ZNF880: variants seen among roughly 807,000 people sequenced by gnomAD.
ZNF880 encodes zinc finger protein LOC400713.
A neutral mutation model predicts 11.8 loss-of-function variants in ZNF880; 12 were observed. The observed-to-expected ratio is 1.02, with a 90% confidence interval of 0.65 to 1.65. ZNF880 has a LOEUF of 1.65. ZNF880 is among the 40% of genes most tolerant of loss of function. The pLI, the probability that ZNF880 is intolerant of heterozygous loss-of-function variation, is 0.00. For synonymous variants in ZNF880, 210 were observed against 232.4 expected, an observed-to-expected ratio of 0.90 and a Z score of 0.88; for missense variants, 601 against 673.9, an observed-to-expected ratio of 0.89 and a Z score of 1.20.
chr19:52,397,472 T>C, the ZNF880 span: 1 of 152,130 alleles, frequency 6.6e-6, no homozygotes. Flanking sequence ...TTTTCTTTCT[T>C]GTCCATTTAT....
intron 3 of ZNF880, chr19:52,379,922 AG>A (rs1986662342): frequency 6.6e-6 from 1 of 152,036 alleles, no homozygotes; most frequent in Non-Finnish European, 1.5e-5. Context: ...TTTTCGAGAC[AG>A]GGTTTCACTC....
intron 3 of ZNF880, among the ~76,000 whole-genome samples, chr19:52,380,980 A>G (rs1986691348): frequency 1.3e-5 from 2 of 152,126 alleles, no homozygotes; most frequent in Non-Finnish European, 2.9e-5. Context: ...TCCCAACCAG[A>G]ATCGTCTTTT....
rs376271396 is a variant in ZNF880, at chr19:52,370,806, A to G, written c.12+829A>G. Reference sequence around the variant, plus strand: ...CACATTTGCAAAAACAACGACAGCCAGGCACAGTGGTGCACGCTTGTCATT... The same window carrying G: ...CACATTTGCAAAAACAACGACAGCCGGGCACAGTGGTGCACGCTTGTCATT... On this transcript the variant is annotated intron_variant, in intron 1 of 3. Transcript: ENST00000422689. Among the ~76,000 whole-genome samples, 365 of 152,362 alleles carry G rather than the reference A, an allele frequency of 2.4e-3. 1 individual carries two copies. Among genetic ancestry groups the G allele is most frequent in the South Asian group, 0.012 (56 of 4,826 alleles).
Position 52,372,121 on chromosome 19 carries a change from G to A in ZNF880, c.13-990G>A, listed in dbSNP as rs372532141. On this transcript the variant is annotated intron_variant, in intron 1 of 3. Coordinates refer to ENST00000422689, the MANE Select transcript of ZNF880 (RefSeq NM_001145434.2). ...GAAGAATCACTTGAACCTGGGAGGCGGATGTTGCAGTGAGCCAAGATTGTG... is the reference window on the plus strand; with the variant it reads ...GAAGAATCACTTGAACCTGGGAGGCAGATGTTGCAGTGAGCCAAGATTGTG... Among the ~76,000 whole-genome samples the A allele has an allele frequency of 2.5e-4, 38 of 151,608 alleles. No homozygotes were observed. The East Asian group carries it at 5.0e-3, about 20-fold the overall frequency.
chr19:52,393,916 A>C, the ZNF880 span, among the ~76,000 whole-genome samples: 17 of 140,922 alleles, frequency 1.2e-4, no homozygotes, highest in South Asian at 2.3e-3. Flanking sequence ...AGCTCACTGC[A>C]AGCTCCGCCT....
chr19:52,376,259 T>A (rs930437560), intron 3 of ZNF880, among the ~76,000 whole-genome samples: 1 of 152,180 alleles, frequency 6.6e-6, no homozygotes, highest in African/African-American at 2.4e-5. Context: ...CCATAGTGGT[T>A]GTACTAGTTT....
chr19:52,380,778 G>A (rs1226111505), intron 3 of ZNF880, among the ~76,000 whole-genome samples: 1 of 152,264 alleles, frequency 6.6e-6, no homozygotes, highest in Middle Eastern at 3.4e-3. Flanking sequence ...CTAGGTTCAA[G>A]TGATCCTCCT....
the ZNF880 span, among the ~76,000 whole-genome samples, chr19:52,395,961 T>C: frequency 6.6e-6 from 1 of 152,102 alleles, no homozygotes. Flanking sequence ...TCCCTTTTAT[T>C]TTTATATTTT....
intron 3 of ZNF880, among the ~76,000 whole-genome samples, chr19:52,375,608 A>G (rs187893155): frequency 6.6e-6 from 1 of 152,198 alleles, no homozygotes; most frequent in East Asian, 1.9e-4. Flanking sequence ...TCACCCGAGC[A>G]TTGTACGCTA....
chr19:52,385,312 T>C lies in ZNF880; in HGVS notation c.1732T>C (p.Ter578ArgextTer22). The C allele has an allele frequency of 6.4e-7, 1 of 1,551,122 alleles. No individual in the cohort carries two copies. The highest frequency in any genetic ancestry group is 8.7e-7 in the Non-Finnish European group (1 of 1,146,470). ...RIHTGEKPYR[*>R] The stretch of plus-strand genomic sequence containing the variant: ...CCATACTGGAGAGAAACCGTACAGA[T>C]GAAATGTGTGTGGTAAGATCTTTAG... The change falls in exon 4 of 4, where the codon TGA becomes CGA. Residue 578 changes from the stop codon to arginine, a stop_lost. Transcript: ENST00000422689.
chr19:52,368,957 CAGAG>C (rs1439990725), upstream of ZNF880, among the ~76,000 whole-genome samples: 2 of 79,156 alleles, frequency 2.5e-5, no homozygotes, highest in East Asian at 3.7e-4. Flanking sequence ...GCCTGAAAGA[CAGAG>C]GGAGACCATC....
Position 52,371,469 on chromosome 19 carries a change from G to A in ZNF880, c.12+1492G>A, listed in dbSNP as rs1411610066. ...CAGGTCACTGCAAACTCTGCCTCCCGGGTTCAAGTGATTGTCCTGCCTCGG... is the reference window on the plus strand; with the variant it reads ...CAGGTCACTGCAAACTCTGCCTCCCAGGTTCAAGTGATTGTCCTGCCTCGG... On this transcript the variant is annotated intron_variant, in intron 1 of 3. Coordinates refer to ENST00000422689, the MANE Select transcript of ZNF880 (RefSeq NM_001145434.2). Among the ~76,000 whole-genome samples, 13 of 152,082 alleles carry A rather than the reference G, an allele frequency of 8.5e-5. 1 individual carries two copies. The highest frequency in any genetic ancestry group is 6.2e-4 in the South Asian group (3 of 4,802).
chr19:52,370,678 A>G (rs1182097326), intron 1 of ZNF880: 2 of 152,190 alleles, frequency 1.3e-5, no homozygotes, highest in African/African-American at 2.4e-5. Context: ...TCTCGTTTCT[A>G]TGTTTTTACA....
At chr19:52,396,080 G>A in the ZNF880 span, among the ~76,000 whole-genome samples, 2 of 150,862 alleles carry the variant, frequency 1.3e-5, no homozygotes, top group Non-Finnish European at 2.9e-5. Context: ...TCAGCCTCTC[G>A]AGTAGCTGGG....
In ZNF880 at chr19:52,384,437, A is replaced by AGGGGGT; in HGVS notation, c.857_858insGGGGGT (p.His286delinsGlnGlyVal). The AGGGGGT allele has an allele frequency of 6.2e-7, 1 of 1,614,168 alleles. No individual in the cohort carries two copies. The highest frequency in any genetic ancestry group is 8.5e-7 in the Non-Finnish European group (1 of 1,180,002). ...ACTCAAAATTCTCACCTTGCAAATC[A>AGGGGGT]TCACAGAATCCACACTGGAGAGAAA... On this transcript the variant is annotated protein_altering_variant, in exon 4 of 4. Transcript: ENST00000422689.
chr19:52,385,525 A>G lies in ZNF880; in HGVS notation c.*211A>G. The G allele has an allele frequency of 1.4e-5, 8 of 581,916 alleles. No homozygotes were observed. The highest frequency in any genetic ancestry group is 2.4e-5 in the Non-Finnish European group (8 of 333,864). The allele number at this position is 581,916 out of a possible 1,614,324, so 36.0% of individuals were successfully genotyped here. On this transcript the variant is annotated 3_prime_UTR_variant, in exon 4 of 4. Coordinates refer to ENST00000422689, the MANE Select transcript of ZNF880 (RefSeq NM_001145434.2). ...GCCTGCCAAATGACTAGATATCAAA[A>G]CATACATCTTGGATGAAACCATACA...
intron 3 of ZNF880, among the ~76,000 whole-genome samples, chr19:52,381,832 T>TTTAA (rs140331310): frequency 0.36 from 54,628 of 151,586 alleles, 10,074 homozygotes; most frequent in South Asian, 0.51. Context: ...ACAGTGTAAC[T>TTTAA]TTAGGTACAG....
the ZNF880 span, chr19:52,391,397 ATAAG>A: frequency 2.6e-5 from 4 of 152,234 alleles, no homozygotes; most frequent in Non-Finnish European, 4.4e-5. Flanking sequence ...AGAAAGAAGA[ATAAG>A]AGGTGAAAGA....
At chr19:52,369,766 C>T (rs1392372219), upstream of ZNF880, among the ~76,000 whole-genome samples, 9 of 152,044 alleles carry the variant, frequency 5.9e-5, no homozygotes, top group Non-Finnish European at 1.5e-5. Flanking sequence ...TTCCCTCTGC[C>T]GGGACACAAT....
Sources: gnomAD v4.1 joint callset for allele counts (sites outside exome capture counted in the v4.1 genomes callset) on GRCh38, gnomAD v4.1.1 for gene constraint, MANE v1.5 for transcripts, NCBI Gene and HGNC (gene_info 2026-07-23, HGNC 2026-07-21) for gene names.